Variants in UTRN observed in about 807,000 individuals in gnomAD.
UTRN encodes the protein dystrophin-related protein 1.
A neutral mutation model predicts 463.9 loss-of-function variants in UTRN; 283 were observed. The observed-to-expected ratio is 0.61, with a 90% CI of 0.55 to 0.67. The LOEUF (loss-of-function observed/expected upper bound fraction) is 0.67. Among genes scored for constraint, UTRN ranks in the 30% least tolerant of loss-of-function variants. UTRN has a pLI of 0.00. For synonymous variants in UTRN, 1,442 were observed against 1,431.5 expected, an observed-to-expected ratio of 1.01 and a Z score of -0.17; for missense variants, 3,922 against 4,084.3, an observed-to-expected ratio of 0.96 and a Z score of 1.08.
intron 33 of UTRN, among the ~76,000 whole-genome samples, chr6:144,496,263 T>G (rs1464350391): frequency 1.3e-5 from 2 of 152,218 alleles, no homozygotes; most frequent in African/African-American, 4.8e-5. Flanking sequence ...TTGAAGTTTC[T>G]ATATAAGCCC....
intron 2 of UTRN, among the ~76,000 whole-genome samples, chr6:144,312,491 A>C (rs1775000755): frequency 6.6e-6 from 1 of 152,134 alleles, no homozygotes; most frequent in African/African-American, 2.4e-5. Context: ...CCTCCATACA[A>C]ATAATTATTA....
intron 74 of UTRN, 86 bp from the exon 75 acceptor site, chr6:144,850,903 T>G: frequency 6.3e-7 from 1 of 1,577,990 alleles, no homozygotes; most frequent in Non-Finnish European, 8.7e-7. Context: ...AAAGAAGCAC[T>G]TTTATTTTCT....
intron 55 of UTRN, among the ~76,000 whole-genome samples, chr6:144,749,924 C>A (rs1414624102): frequency 6.6e-6 from 1 of 152,040 alleles, no homozygotes; most frequent in Non-Finnish European, 1.5e-5. Context: ...CATCTCAAAA[C>A]ATTTTCTGGC....
chr6:144,787,578 C>T (rs756979620), intron 61 of UTRN, among the ~76,000 whole-genome samples: 8 of 152,076 alleles, frequency 5.3e-5, no homozygotes, highest in Non-Finnish European at 1.2e-4. Flanking sequence ...TTATTTATTG[C>T]ATACTTTATA....
At chr6:144,409,330 A>G (rs1414965376) in intron 3 of UTRN, among the ~76,000 whole-genome samples, 1 of 152,248 alleles carries the variant, frequency 6.6e-6, no homozygotes, top group Non-Finnish European at 1.5e-5. Context: ...TGCTTTGATG[A>G]GTACTTAATA....
intron 53 of UTRN, among the ~76,000 whole-genome samples, chr6:144,717,220 T>C (rs1275325794): frequency 6.6e-6 from 1 of 152,202 alleles, no homozygotes; most frequent in East Asian, 1.9e-4. Context: ...ACTTCATAGA[T>C]GTATAGAAAT....
At chr6:144,740,103 T>C (rs1789885571) in intron 54 of UTRN, among the ~76,000 whole-genome samples, 1 of 152,178 alleles carries the variant, frequency 6.6e-6, no homozygotes, top group Non-Finnish European at 1.5e-5. Flanking sequence ...ACTGAGAGTC[T>C]GAGAGGCTTA....
At chr6:144,417,101 G>A (rs76524919) in intron 3 of UTRN, among the ~76,000 whole-genome samples, 8,944 of 152,076 alleles carry the variant, frequency 0.059, 389 homozygotes, top group Admixed American at 0.15. Flanking sequence ...CACCAGACAC[G>A]CTTTAAAGTG....
In UTRN at chr6:144,361,950, A is replaced by T. The variant is rs530253646; in HGVS notation, c.80-41173A>T. Among the ~76,000 whole-genome samples, 3 of 151,260 alleles carry T rather than the reference A, an allele frequency of 2.0e-5. No individual in the cohort carries two copies. In the East Asian group the frequency reaches 5.8e-4, roughly 29 times the overall value. ...AGAGAGACACAAGTCAATTCCTGGA[A>T]TTTTTTTTTCCTTTTTGCTGCCACT... is the stretch of plus-strand genomic sequence containing the variant. On this transcript the variant is annotated intron_variant, in intron 2 of 74. Transcript: ENST00000367545.
At chr6:144,349,014 T>C (rs921500483) in intron 2 of UTRN, among the ~76,000 whole-genome samples, 2 of 150,680 alleles carry the variant, frequency 1.3e-5, no homozygotes, top group African/African-American at 4.9e-5. Flanking sequence ...GAGCAGTTCT[T>C]TTTTTTTTGT....
chr6:144,687,379 T>C (rs971591825), intron 52 of UTRN, among the ~76,000 whole-genome samples: 1 of 152,006 alleles, frequency 6.6e-6, no homozygotes, highest in South Asian at 2.1e-4. Flanking sequence ...TTATTTGCAA[T>C]TGAAAACCAA....
intron 53 of UTRN, among the ~76,000 whole-genome samples, chr6:144,715,075 C>A (rs1167077542): frequency 6.6e-6 from 1 of 152,112 alleles, no homozygotes; most frequent in Non-Finnish European, 1.5e-5. Context: ...ATGCCAAGCA[C>A]TCCCAAAGAT....
chr6:144,470,289 G>GC (rs34600700), intron 23 of UTRN, among the ~76,000 whole-genome samples: 8 of 151,490 alleles, frequency 5.3e-5, no homozygotes, highest in African/African-American at 1.2e-4. Context: ...GGGCAGAGGC[G>GC]CCCCCCACCT....
At chr6:144,366,351 T>TA (rs1370357497) in intron 2 of UTRN, among the ~76,000 whole-genome samples, 1 of 152,180 alleles carries the variant, frequency 6.6e-6, no homozygotes, top group Non-Finnish European at 1.5e-5. Context: ...ATCACCCAGG[T>TA]ACTAGGCCTA....
Position 144,820,974 on chromosome 6 carries a change from T to G in UTRN, c.9450T>G (p.Gly3150=). 1 of 1,613,966 alleles carries G rather than the reference T, an allele frequency of 6.2e-7. No individual in the cohort carries two copies. The highest frequency in any genetic ancestry group is 2.2e-5 in the East Asian group (1 of 44,840). ...KKYFAKHPRL[G]YLPVQTVLEG... is the part of the protein sequence containing the mutation. ...ACTTTGCCAAACACCCTCGACTTGG[T>G]TACCTGCCTGTCCAGACAGTTCTTG... is the stretch of plus-strand genomic sequence containing the variant. Residue 3150 remains glycine (G), a synonymous_variant, in exon 66 of 75, where the codon GGT becomes GGG. Coordinates refer to ENST00000367545, the MANE Select transcript of UTRN (RefSeq NM_007124.3).
intron 7 of UTRN, among the ~76,000 whole-genome samples, chr6:144,426,872 C>T (rs1785340595): frequency 6.6e-6 from 1 of 152,106 alleles, no homozygotes; most frequent in African/African-American, 2.4e-5. Context: ...AACTTGTGAA[C>T]AGATTCTAAT....
chr6:144,416,906 T>G (rs1190673058), intron 3 of UTRN, among the ~76,000 whole-genome samples: 12 of 152,224 alleles, frequency 7.9e-5, no homozygotes, highest in Admixed American at 7.8e-4. Context: ...TCCAAATGCA[T>G]TATTCAACTG....
intron 52 of UTRN, among the ~76,000 whole-genome samples, chr6:144,690,089 TTTTTTTTGTG>T (rs1391306426): frequency 5.4e-5 from 2 of 36,828 alleles, no homozygotes; most frequent in Non-Finnish European, 9.4e-5. Context: ...TTTTTTTTTT[TTTTTTTTGTG>T]TGTGTGTGTG....
chr6:144,732,329 A>G lies in UTRN; in HGVS notation c.7939+1843A>G, dbSNP rs541168271. Among the ~76,000 whole-genome samples, 5 of 149,314 alleles carry G rather than the reference A, an allele frequency of 3.3e-5. No individual in the cohort carries two copies. The South Asian group carries it at 8.4e-4, about 25-fold the overall frequency. Reference sequence around the variant, plus strand: ...ATATATATAAAAAATGTATACACACACACGTACATACTCATGTGCACACAC... The same window carrying G: ...ATATATATAAAAAATGTATACACACGCACGTACATACTCATGTGCACACAC... On this transcript the variant is annotated intron_variant, in intron 54 of 74. Coordinates refer to ENST00000367545, the MANE Select transcript of UTRN (RefSeq NM_007124.3).
Sources: gnomAD v4.1 joint callset for allele counts (sites outside exome capture counted in the v4.1 genomes callset) on GRCh38, gnomAD v4.1.1 for gene constraint, MANE v1.5 for transcripts, NCBI Gene and HGNC (gene_info 2026-07-23, HGNC 2026-07-21) for gene names.